Variants in RGS20 observed in about 807,000 individuals in gnomAD.
RGS20 encodes the protein gz-selective GTPase-activating protein.
RGS20 carries 30 observed loss-of-function variants against 33.6 expected under a neutral mutation model. The observed-to-expected ratio is 0.89, with a 90% CI of 0.67 to 1.21. The LOEUF (loss-of-function observed/expected upper bound fraction) is 1.21, where lower values mean the gene tolerates loss of function less well. RGS20 is among the 50% of genes most tolerant of loss of function. The probability of loss-of-function intolerance (pLI) is 0.00; values close to 1 mark genes in which losing one functional copy is unlikely to be tolerated. For synonymous variants in RGS20, 208 were observed against 197.9 expected (o/e 1.05, Z -0.43); for missense variants, 472 against 502.4 (o/e 0.94, Z 0.58).
intron 1 of RGS20, among the ~76,000 whole-genome samples, chr8:53,864,535 C>G (rs562356027): frequency 5.9e-5 from 9 of 151,984 alleles, no homozygotes; most frequent in Non-Finnish European, 8.8e-5. Context: ...CCCGGGAACC[C>G]CTTGGAATCC....
intron 2 of RGS20, among the ~76,000 whole-genome samples, chr8:53,888,790 CT>C (rs1812619282): frequency 6.6e-6 from 1 of 152,186 alleles, no homozygotes; most frequent in South Asian, 2.1e-4. Flanking sequence ...CCAATTGTGC[CT>C]GCTTTTAAAC....
chr8:53,958,525 G>A lies in RGS20; in HGVS notation c.*67G>A, dbSNP rs1214944196. 2 of 855,714 alleles carry A rather than the reference G, an allele frequency of 2.3e-6. No homozygotes were observed. Among genetic ancestry groups the A allele is most frequent in the Non-Finnish European group, 3.2e-6 (2 of 623,680 alleles). The allele number at this position is 855,714 out of a possible 1,614,324, so 53.0% of individuals were successfully genotyped here. On this transcript the variant is annotated 3_prime_UTR_variant, in exon 6 of 6. Transcript: ENST00000297313. Reference sequence around the variant, plus strand: ...ATTCATGGGCTACAACTAGCACAGGGAATTTAGAGGTTGTAGCATCTTCTG... The same window carrying A: ...ATTCATGGGCTACAACTAGCACAGGAAATTTAGAGGTTGTAGCATCTTCTG...
chr8:53,859,813 A>C (rs1811769718), intron 1 of RGS20, among the ~76,000 whole-genome samples: 2 of 152,232 alleles, frequency 1.3e-5, no homozygotes, highest in Admixed American at 6.5e-5. Flanking sequence ...AAGCGTGTGC[A>C]GGGGGACTGC....
At chr8:53,938,967 G>A (rs1814210705) in intron 2 of RGS20, among the ~76,000 whole-genome samples, 1 of 152,256 alleles carries the variant, frequency 6.6e-6, no homozygotes, top group African/African-American at 2.4e-5. Flanking sequence ...GGGAATAATT[G>A]AGCAATTGCT....
At chr8:53,897,942 T>G (rs1812913481) in intron 2 of RGS20, among the ~76,000 whole-genome samples, 1 of 152,192 alleles carries the variant, frequency 6.6e-6, no homozygotes, top group Non-Finnish European at 1.5e-5. Context: ...CCAAGGCATG[T>G]GGGGCACACA....
intron 1 of RGS20, among the ~76,000 whole-genome samples, chr8:53,866,163 C>T (rs1811913617): frequency 6.6e-6 from 1 of 152,092 alleles, no homozygotes; most frequent in Non-Finnish European, 1.5e-5. Flanking sequence ...CACAAAGTCC[C>T]AGGAATGAGA....
chr8:53,878,595 G>A (rs573349205), intron 1 of RGS20, among the ~76,000 whole-genome samples: 70 of 152,150 alleles, frequency 4.6e-4, no homozygotes, highest in Admixed American at 9.8e-4. Context: ...GAATCCCGGT[G>A]TCCCCAGCTC....
chr8:53,947,435 T>C (rs1011577487), intron 4 of RGS20, among the ~76,000 whole-genome samples: 16 of 140,302 alleles, frequency 1.1e-4, no homozygotes, highest in Non-Finnish European at 2.1e-4. Flanking sequence ...ATATATGATA[T>C]AGTATATACA....
intron 2 of RGS20, among the ~76,000 whole-genome samples, chr8:53,916,152 A>T: frequency 6.6e-6 from 1 of 152,062 alleles, no homozygotes; most frequent in East Asian, 1.9e-4. Context: ...CCTCCTAAGG[A>T]GCTGGGACTA....
At chr8:53,946,841 T>A in intron 4 of RGS20, 93 bp downstream of exon 3, 1 of 986,596 alleles carries the variant, frequency 1.0e-6, no homozygotes, top group Non-Finnish European at 1.5e-6. Context: ...GAACACATAC[T>A]TTCTCTAACT....
intron 2 of RGS20, among the ~76,000 whole-genome samples, chr8:53,885,941 C>A (rs1056636519): frequency 4.6e-5 from 7 of 152,156 alleles, no homozygotes; most frequent in Non-Finnish European, 1.0e-4. Context: ...TGCTCCCAAG[C>A]CAGTTTGGCA....
chr8:53,877,435 A>G lies in RGS20; in HGVS notation c.166-1823A>G, dbSNP rs931009999. Among the ~76,000 whole-genome samples, 6 of 152,180 alleles carry G rather than the reference A, an allele frequency of 3.9e-5. No individual in the cohort carries two copies. Among genetic ancestry groups the G allele is most frequent in the Non-Finnish European group, 8.8e-5 (6 of 68,030 alleles). On this transcript the variant is annotated intron_variant, in intron 1 of 5. Transcript: ENST00000297313. This position sits in a 1 kb window ranked among gnomAD's most constrained non-coding sequence, Gnocchi z 5.7. ...GCGGAGGCCGAGCACGCTTGGCGGC[A>G]GCTGAGCCTCCACCCCAAGCCCCAG...
At chr8:53,854,438 G>A (rs1380698676) in intron 1 of RGS20, among the ~76,000 whole-genome samples, 1 of 151,962 alleles carries the variant, frequency 6.6e-6, no homozygotes, top group Non-Finnish European at 1.5e-5. Flanking sequence ...TTTTACTGAA[G>A]AGAATATGCA....
chr8:53,893,943 C>T (rs1271280352), intron 2 of RGS20, among the ~76,000 whole-genome samples: 3 of 152,124 alleles, frequency 2.0e-5, no homozygotes, highest in Non-Finnish European at 4.4e-5. Flanking sequence ...GGCTTTATTT[C>T]TTTTCTTTAT....
intron 2 of RGS20, among the ~76,000 whole-genome samples, chr8:53,893,791 T>A (rs980890360): frequency 6.6e-6 from 1 of 152,082 alleles, no homozygotes; most frequent in Non-Finnish European, 1.5e-5. Context: ...CACCAGAACA[T>A]CATAACCAGA....
chr8:53,945,494 G>A (rs548602741), intron 3 of RGS20: 6 of 152,196 alleles, frequency 3.9e-5, no homozygotes, highest in Non-Finnish European at 7.3e-5. Context: ...TCTTTTGGGG[G>A]TGATGACAAT....
chr8:53,868,921 T>C (rs1811989572), intron 1 of RGS20, among the ~76,000 whole-genome samples: 1 of 152,044 alleles, frequency 6.6e-6, no homozygotes, highest in African/African-American at 2.4e-5. Context: ...CCTGGCTAAT[T>C]TCTGTATTTT....
chr8:53,858,879 C>A, intron 1 of RGS20, among the ~76,000 whole-genome samples: 2 of 115,962 alleles, frequency 1.7e-5, no homozygotes, highest in African/African-American at 6.9e-5. Flanking sequence ...AGCAATGGAA[C>A]TGGGGTTATG....
intron 2 of RGS20, among the ~76,000 whole-genome samples, chr8:53,926,845 G>A (rs1405112494): frequency 2.0e-5 from 3 of 151,550 alleles, no homozygotes; most frequent in South Asian, 2.1e-4. Flanking sequence ...CCCAAGAGGC[G>A]GAGGTTACAG....
Sources: gnomAD v4.1 joint callset for allele counts (sites outside exome capture counted in the v4.1 genomes callset) on GRCh38, gnomAD v4.1.1 for gene constraint, Gnocchi (gnomAD v3.1) non-coding constraint, MANE v1.5 for transcripts, NCBI Gene and HGNC (gene_info 2026-07-23, HGNC 2026-07-21) for gene names.